NKAIN2: variants seen among roughly 807,000 people sequenced by gnomAD.
The protein encoded by NKAIN2 is sodium/potassium-transporting ATPase subunit beta-1-interacting protein 2.
A neutral mutation model predicts 32.6 loss-of-function variants in NKAIN2; 14 were observed. That is an observed-to-expected ratio of 0.43 (90% confidence interval 0.28 to 0.67). The LOEUF is 0.67. NKAIN2 is among the 30% of genes least tolerant of loss of function. The pLI is 0.17. For missense variants in NKAIN2, 198 were observed against 258.3 expected, an observed-to-expected ratio of 0.77 and a Z score of 1.60; for synonymous variants, 80 against 87.2, an observed-to-expected ratio of 0.92 and a Z score of 0.46.
At chr6:124,631,514 A>C (rs1783566252) in intron 3 of NKAIN2, among the ~76,000 whole-genome samples, 5 of 152,144 alleles carry the variant, frequency 3.3e-5, no homozygotes, top group Admixed American at 3.3e-4. Flanking sequence ...GAGGTTATAC[A>C]GGTCTTTGAG....
At chr6:124,176,564 A>C (rs1460618626) in intron 1 of NKAIN2, among the ~76,000 whole-genome samples, 1 of 152,148 alleles carries the variant, frequency 6.6e-6, no homozygotes, top group African/African-American at 2.4e-5. Flanking sequence ...TTAGGGGATA[A>C]ACATGTAATG....
At chr6:124,404,311 G>C (rs780643189) in intron 3 of NKAIN2, among the ~76,000 whole-genome samples, 1 of 152,126 alleles carries the variant, frequency 6.6e-6, no homozygotes, top group Non-Finnish European at 1.5e-5. Flanking sequence ...CCAAAAGAGA[G>C]AGGGTTCACC....
In NKAIN2 at chr6:124,133,824, A is replaced by G. The variant is rs12199880; in HGVS notation, c.55-149181A>G. Among the ~76,000 whole-genome samples the G allele has an allele frequency of 5.6e-3, 856 of 152,246 alleles. 7 individuals are homozygous for G. Among genetic ancestry groups the G allele is most frequent in the Non-Finnish European group, 9.7e-3 (660 of 68,004 alleles). ...ATCAAATTAGGCTAAAATAAACATT[A>G]AAGTCTGATCCTTACGAGGGGAAAA... On this transcript the variant is annotated intron_variant, in intron 1 of 6. Coordinates refer to ENST00000368417, the MANE Select transcript of NKAIN2 (RefSeq NM_001040214.3).
chr6:123,990,099 A>T (rs1241111135), intron 1 of NKAIN2, among the ~76,000 whole-genome samples: 1 of 152,182 alleles, frequency 6.6e-6, no homozygotes, highest in Non-Finnish European at 1.5e-5. Context: ...AGCAGGATAA[A>T]TGCCAGACAC....
At chr6:124,821,249 C>T (rs1033320520) in intron 6 of NKAIN2, among the ~76,000 whole-genome samples, 2 of 150,582 alleles carry the variant, frequency 1.3e-5, no homozygotes, top group Non-Finnish European at 2.9e-5. Flanking sequence ...GAGCAAAGAT[C>T]GTGCCACTGC....
In NKAIN2 at chr6:124,213,406, C is replaced by A. The variant is rs536715191; in HGVS notation, c.55-69599C>A. ...TAGCTGCAAACAAATATTTTTATTT[C>A]TGTTTGTGCTTTCAAAACTGCACTA... On this transcript the variant is annotated intron_variant, in intron 1 of 6. Coordinates refer to ENST00000368417, the MANE Select transcript of NKAIN2 (RefSeq NM_001040214.3). Among the ~76,000 whole-genome samples, 151 of 152,128 alleles carry A rather than the reference C, an allele frequency of 9.9e-4. 1 individual carries two copies. The highest frequency in any genetic ancestry group is 6.6e-3 in the East Asian group (34 of 5,180).
At chr6:124,131,197 TG>T (rs1786459746) in intron 1 of NKAIN2, among the ~76,000 whole-genome samples, 3 of 152,090 alleles carry the variant, frequency 2.0e-5, no homozygotes, top group Non-Finnish European at 4.4e-5. Context: ...CAGGCTGGAG[TG>T]CAATGACATG....
chr6:124,031,015 G>C (rs1194943576), intron 1 of NKAIN2, among the ~76,000 whole-genome samples: 1 of 152,074 alleles, frequency 6.6e-6, no homozygotes, highest in Admixed American at 6.6e-5. Context: ...TCATTTTCAG[G>C]AAGAAAGCAA....
intron 1 of NKAIN2, among the ~76,000 whole-genome samples, chr6:124,057,960 A>T (rs567831663): frequency 9.2e-5 from 14 of 152,040 alleles, no homozygotes; most frequent in Non-Finnish European, 1.6e-4. Flanking sequence ...AAAATTAGGT[A>T]TTTGCTCACA....
intron 2 of NKAIN2, among the ~76,000 whole-genome samples, chr6:124,304,325 C>T (rs1436892219): frequency 6.6e-6 from 1 of 152,002 alleles, no homozygotes; most frequent in African/African-American, 2.4e-5. Flanking sequence ...TTTATTAATC[C>T]GTTTTCAGTC....
At chr6:123,951,523 G>A (rs567850791) in intron 1 of NKAIN2, among the ~76,000 whole-genome samples, 158 of 151,628 alleles carry the variant, frequency 1.0e-3, no homozygotes, top group African/African-American at 3.6e-3. Context: ...CCTCTTTTTC[G>A]CTTTTTACCA....
intron 1 of NKAIN2, among the ~76,000 whole-genome samples, chr6:123,965,749 T>G (rs894993014): frequency 1.3e-5 from 2 of 152,192 alleles, no homozygotes; most frequent in African/African-American, 4.8e-5. Context: ...TATCCACGAT[T>G]AATTTCCTCT....
intron 3 of NKAIN2, among the ~76,000 whole-genome samples, chr6:124,531,238 A>G (rs960179864): frequency 1.3e-5 from 2 of 152,292 alleles, no homozygotes; most frequent in Non-Finnish European, 2.9e-5. Context: ...CCCAGTCTGT[A>G]GTATTTTGTT....
At chr6:124,558,206 T>A (rs1440119827) in intron 3 of NKAIN2, among the ~76,000 whole-genome samples, 1 of 152,220 alleles carries the variant, frequency 6.6e-6, no homozygotes, top group South Asian at 2.1e-4. Context: ...TTTTTCCTTG[T>A]ATCAGGTTTC....
chr6:124,505,403 C>A (rs1325774158), intron 3 of NKAIN2, among the ~76,000 whole-genome samples: 1 of 152,126 alleles, frequency 6.6e-6, no homozygotes, highest in African/African-American at 2.4e-5. Flanking sequence ...TGTTATAAAG[C>A]CGACTAGGAA....
Position 124,483,510 on chromosome 6 carries a change from A to G in NKAIN2, c.273+128163A>G, listed in dbSNP as rs548431032. 2.6e-5 allele frequency among the ~76,000 whole-genome samples: 4 copies of G among 152,298 alleles called. No individual in the cohort carries two copies. In the East Asian group the frequency reaches 7.7e-4, roughly 29 times the overall value. ...TTTAAATGAAGGTAAAAATATTTCA[A>G]GTTTTGACTTTTTAGTTTAAACCTA... On this transcript the variant is annotated intron_variant, in intron 3 of 6. Coordinates refer to ENST00000368417, the MANE Select transcript of NKAIN2 (RefSeq NM_001040214.3).
intron 4 of NKAIN2, among the ~76,000 whole-genome samples, chr6:124,749,513 A>G (rs938001686): frequency 4.6e-5 from 7 of 152,134 alleles, no homozygotes; most frequent in Admixed American, 4.6e-4. Flanking sequence ...TTAACTTTAC[A>G]TCATCCTTGG....
chr6:124,677,752 TAC>T (rs1773430842), intron 4 of NKAIN2, among the ~76,000 whole-genome samples: 1 of 152,192 alleles, frequency 6.6e-6, no homozygotes, highest in African/African-American at 2.4e-5. Context: ...TATGTACCAT[TAC>T]AGTTTTACAG....
intron 1 of NKAIN2, among the ~76,000 whole-genome samples, chr6:124,141,394 C>T (rs1428349885): frequency 6.6e-6 from 1 of 152,044 alleles, no homozygotes; most frequent in Non-Finnish European, 1.5e-5. Context: ...TTGAATTTTA[C>T]ACAGTTATAG....
Sources: allele counts gnomAD v4.1 joint callset (sites outside exome capture counted in the v4.1 genomes callset), GRCh38; gene constraint gnomAD v4.1.1; transcripts MANE v1.5; gene names NCBI Gene and HGNC (gene_info 2026-07-23, HGNC 2026-07-21).